The following CPLX1 variants were observed in gnomAD, a reference collection of about 807,000 sequenced individuals.
The protein encoded by CPLX1 is complexin 1, also known as complexin-1.
Under a neutral mutation model 15.6 loss-of-function variants are expected in CPLX1, and 6 were observed. The ratio of observed to expected loss-of-function variants is 0.39; its 90% CI spans 0.21 to 0.76. The LOEUF (loss-of-function observed/expected upper bound fraction) is 0.76. Ranked by LOEUF, CPLX1 falls within the 30% of genes least tolerant of loss-of-function variation. The probability of loss-of-function intolerance (pLI) is 0.43; values close to 1 mark genes in which losing one functional copy is unlikely to be tolerated. For synonymous variants in CPLX1, 91 were observed against 75.2 expected, an observed-to-expected ratio of 1.21 and a Z score of -1.08; for missense variants, 242 against 188.6, an observed-to-expected ratio of 1.28 and a Z score of -1.66.
At chr4:796,092 G>A (rs1014115323) in intron 2 of CPLX1, among the ~76,000 whole-genome samples, 3 of 152,196 alleles carry the variant, frequency 2.0e-5, no homozygotes, top group Non-Finnish European at 4.4e-5. Context: ...ACCCTGCCCA[G>A]GGTTCCCTTA....
intron 2 of CPLX1, among the ~76,000 whole-genome samples, chr4:822,427 C>T (rs1036399109): frequency 6.6e-5 from 10 of 152,182 alleles, no homozygotes; most frequent in East Asian, 3.9e-4. Flanking sequence ...CTCTCTCTCC[C>T]CTCTGCCTCT....
In CPLX1 at chr4:786,193, C is replaced by T. The variant is rs1026220047; in HGVS notation, c.*308G>A. ...GCGAACGCGCGCACAGGGGTGGTCG[C>T]GGGGCTGCCCTTCGGCGGCCCTGGC... On this transcript the variant is annotated 3_prime_UTR_variant, in exon 4 of 4. Coordinates refer to ENST00000304062, the MANE Select transcript of CPLX1 (RefSeq NM_006651.4). 2 of 222,376 alleles carry T rather than the reference C, an allele frequency of 9.0e-6. No homozygotes were observed. The highest frequency in any genetic ancestry group is 1.7e-5 in the Non-Finnish European group (2 of 114,330). The allele number at this position is 222,376 out of a possible 1,614,324, so 13.8% of individuals were successfully genotyped here. A position where few individuals can be genotyped will look rare whatever the true frequency, so the allele number is the denominator to read the frequency against.
At chr4:804,405 C>T (rs1254328046) in intron 2 of CPLX1, among the ~76,000 whole-genome samples, 3 of 152,154 alleles carry the variant, frequency 2.0e-5, no homozygotes, top group Non-Finnish European at 4.4e-5. Context: ...GAAACAGGAA[C>T]AGGAATGACG....
At chr4:808,649 G>A (rs1746601161) in intron 2 of CPLX1, among the ~76,000 whole-genome samples, 1 of 152,232 alleles carries the variant, frequency 6.6e-6, no homozygotes, top group South Asian at 2.1e-4. Context: ...GCTGCTCAGA[G>A]TGAGAAGACA....
chr4:797,384 G>A (rs1746362453), intron 2 of CPLX1, among the ~76,000 whole-genome samples: 1 of 152,184 alleles, frequency 6.6e-6, no homozygotes, highest in Non-Finnish European at 1.5e-5. Flanking sequence ...CTAGAGTGCA[G>A]TGGCAGGATC....
intron 2 of CPLX1, among the ~76,000 whole-genome samples, chr4:821,162 C>T (rs1160989023): frequency 1.3e-5 from 2 of 152,202 alleles, no homozygotes; most frequent in Non-Finnish European, 2.9e-5. Context: ...CAGGCTGTCG[C>T]CCCCCAGGTT....
intron 2 of CPLX1, among the ~76,000 whole-genome samples, chr4:796,273 T>C (rs573446767): frequency 7.1e-4 from 108 of 152,318 alleles, no homozygotes; most frequent in Non-Finnish European, 1.3e-3. Flanking sequence ...GACGCTGACA[T>C]TGCAGCCACC....
At chr4:795,630 C>G (rs926417721) in intron 2 of CPLX1, among the ~76,000 whole-genome samples, 2 of 152,186 alleles carry the variant, frequency 1.3e-5, no homozygotes, top group African/African-American at 4.8e-5. Flanking sequence ...AGCTTCCCCC[C>G]GTGAGAGGTG....
chr4:816,213 A>ATTTTTTTTTTTTTTTTTTTTT (rs34183163), intron 2 of CPLX1, among the ~76,000 whole-genome samples: 1 of 115,036 alleles, frequency 8.7e-6, no homozygotes, highest in Non-Finnish European at 1.7e-5. Context: ...TCTCCGTGAA[A>ATTTTTTTTTTTTTTTTTTTTT]TTTTTTTTTT....
At chr4:805,224 G>T (rs1372969261) in intron 2 of CPLX1, among the ~76,000 whole-genome samples, 1 of 152,248 alleles carries the variant, frequency 6.6e-6, no homozygotes, top group Non-Finnish European at 1.5e-5. Context: ...AGGCAAAAAG[G>T]AAAAACAATC....
At chr4:818,739 T>C (rs1746807404) in intron 2 of CPLX1, among the ~76,000 whole-genome samples, 1 of 152,258 alleles carries the variant, frequency 6.6e-6, no homozygotes, top group African/African-American at 2.4e-5. Context: ...GGTCACTTAT[T>C]GGCACGTCCA....
intron 2 of CPLX1, among the ~76,000 whole-genome samples, chr4:795,828 C>G (rs1746321957): frequency 6.6e-6 from 1 of 151,316 alleles, no homozygotes; most frequent in South Asian, 2.1e-4. Flanking sequence ...CAGATCGCGG[C>G]GCCTCCCTGC....
Position 786,264 on chromosome 4 carries a change from T to C in CPLX1, c.*237A>G. 7.8e-6 allele frequency: 3 copies of C among 384,060 alleles called. No homozygotes were observed. Among genetic ancestry groups the C allele is most frequent in the Non-Finnish European group, 1.4e-5 (3 of 216,940 alleles). The allele number at this position is 384,060 out of a possible 1,614,324, so 23.8% of individuals were successfully genotyped here. ...CGGTAAACAGCAAGAGAAAGGGGCG[T>C]CCCAGGCGATGGGGCTCCAGCCACC... On this transcript the variant is annotated 3_prime_UTR_variant, in exon 4 of 4. Transcript: ENST00000304062.
rs564462540 is a variant in CPLX1, at chr4:803,915, C to T, written c.32-11307G>A. 3.9e-5 allele frequency among the ~76,000 whole-genome samples: 6 copies of T among 152,108 alleles called. No homozygotes were observed. The South Asian group carries it at 6.2e-4, about 16-fold the overall frequency. On this transcript the variant is annotated intron_variant, in intron 2 of 3. Transcript: ENST00000304062. ...CAAACTCCTGACCTCAAATGATCCACCCACCTTGGCATCCCAAAGTGCTGA... is the reference window on the plus strand; with the variant it reads ...CAAACTCCTGACCTCAAATGATCCATCCACCTTGGCATCCCAAAGTGCTGA...
chr4:789,147 A>G (rs991915226), intron 3 of CPLX1, among the ~76,000 whole-genome samples: 1 of 152,222 alleles, frequency 6.6e-6, no homozygotes, highest in Non-Finnish European at 1.5e-5. Flanking sequence ...CTCTGCCGGG[A>G]AAACAGGCTC....
intron 3 of CPLX1, among the ~76,000 whole-genome samples, chr4:791,756 C>A (rs534160601): frequency 6.6e-6 from 1 of 152,166 alleles, no homozygotes; most frequent in African/African-American, 2.4e-5. Flanking sequence ...GTGAGCACTG[C>A]GCCCCAGGCA....
intron 2 of CPLX1, among the ~76,000 whole-genome samples, chr4:798,272 C>CAAAAAAA (rs35668656): frequency 1.5e-4 from 11 of 75,434 alleles, no homozygotes; most frequent in Non-Finnish European, 2.5e-4. Flanking sequence ...GACTCCGTCT[C>CAAAAAAA]AAAAAAAAAA....
At chr4:787,150 C>T (rs1193436537) in intron 3 of CPLX1, 10 of 985,320 alleles carry the variant, frequency 1.0e-5, no homozygotes, top group South Asian at 4.7e-5. Context: ...TTCACACTCC[C>T]GGGCCTGGCC....
rs775562518 is a variant in CPLX1 at position 786,580 on chromosome 4, A to G, written c.326T>C (p.Val109Ala). 1.9e-6 allele frequency: 3 copies of G among 1,610,108 alleles called. No individual in the cohort carries two copies. Among genetic ancestry groups the G allele is most frequent in the Non-Finnish European group, 2.5e-6 (3 of 1,178,514 alleles). ...CAGGATGCTCTCGTCCTCCTCCTCCACCTCGTCCCCGCAGCCCGGCGGGAT... is the reference window on the plus strand; with the variant it reads ...CAGGATGCTCTCGTCCTCCTCCTCCGCCTCGTCCCCGCAGCCCGGCGGGAT... ...KAIPPGCGDE[V>A]EEEDESILDT... The change falls in exon 4 of 4, where the codon GTG becomes GCG. Residue 109 changes from valine (V) to alanine (A), a missense_variant. Physicochemically the swap from Val to Ala is moderately conservative, Grantham distance 64. Transcript: ENST00000304062.
Sources: allele counts gnomAD v4.1 joint callset (sites outside exome capture counted in the v4.1 genomes callset), GRCh38; gene constraint gnomAD v4.1.1; transcripts MANE v1.5; gene names NCBI Gene and HGNC (gene_info 2026-07-23, HGNC 2026-07-21).